The following PRR23B variants were observed in gnomAD, a reference collection of about 807,000 sequenced individuals.
The protein encoded by PRR23B is proline rich 23B.
For synonymous variants in PRR23B, 157 were observed against 168.0 expected, an observed-to-expected ratio of 0.93 and a Z score of 0.51; for missense variants, 375 against 371.7, an observed-to-expected ratio of 1.01 and a Z score of -0.07.
rs969270823 is a variant in PRR23B, at chr3:139,019,751, C to T, written c.*113G>A. 12 of 1,082,594 alleles carry T rather than the reference C, an allele frequency of 1.1e-5. No individual in the cohort carries two copies. Among genetic ancestry groups the T allele is most frequent in the Middle Eastern group, 2.9e-4 (1 of 3,440 alleles). The allele number at this position is 1,082,594 out of a possible 1,614,324, so 67.1% of individuals were successfully genotyped here. On this transcript the variant is annotated 3_prime_UTR_variant, in exon 1 of 1. Transcript: ENST00000329447. ...TGCAGCGAAAAAGCAATTGTCCGAA[C>T]ACGCGGTGCCCAATTTCCAGGTTGT... is the stretch of plus-strand genomic sequence containing the variant.
At position 139,020,035 on chromosome 3, in the gene PRR23B, A is replaced by G. The variant is rs753695455; in HGVS notation, c.627T>C (p.Arg209=). 9 of 1,613,880 alleles carry G rather than the reference A, an allele frequency of 5.6e-6. No homozygotes were observed. In the Admixed American group the frequency reaches 8.3e-5, roughly 15 times the overall value. Residue 209 remains arginine, a synonymous_variant, in exon 1 of 1, where the codon CGT becomes CGC. Transcript: ENST00000329447. ...CCAGGTCAAAGATGGGGCGTGGAGA[A>G]CGTCTCTCTGAACTGGGGTTGGGGG... The part of the protein sequence containing the change: ...ALAPNPSSER[R]SPRPIFDLEF...
chr3:139,019,569 A>C lies in PRR23B; in HGVS notation c.*295T>G. 1 of 273,088 alleles carries C rather than the reference A, an allele frequency of 3.7e-6. No homozygotes were observed. The allele number at this position is 273,088 out of a possible 1,614,324, so 16.9% of individuals were successfully genotyped here. The stretch of plus-strand genomic sequence containing the variant: ...GAATTTGAGAGAAACAACTGATGCA[A>C]AACGAGGGAGAATGAAGGGATCTGA... On this transcript the variant is annotated 3_prime_UTR_variant, in exon 1 of 1. Transcript: ENST00000329447.
chr3:139,019,982 C>G lies in PRR23B; in HGVS notation c.680G>C (p.Ser227Thr). The change falls in exon 1 of 1, where the codon AGC becomes ACC. Residue 227 changes from serine (S) to threonine (T), a missense_variant. Transcript: ENST00000329447. ...GGGAGGTAGAGGTTGGAGAGGTGAGCTGGGGACAGGCTCCAGAAGGCGGAA... is the reference window on the plus strand; with the variant it reads ...GGGAGGTAGAGGTTGGAGAGGTGAGGTGGGGACAGGCTCCAGAAGGCGGAA... Reference protein sequence around the residue: ...LEFRLLEPVPSSPLQPLPPSP... With the variant: ...LEFRLLEPVPTSPLQPLPPSP... 6.2e-7 allele frequency: 1 copy of G among 1,614,072 alleles called. No individual in the cohort carries two copies.
Position 139,020,066 on chromosome 3 carries a change from G to A in PRR23B, c.596C>T (p.Ala199Val). Reference sequence around the variant, plus strand: ...CTCTGAACTGGGGTTGGGGGCCAGAGCACAGGGTTCTGGGATGGGGCCCTC... The same window carrying A: ...CTCTGAACTGGGGTTGGGGGCCAGAACACAGGGTTCTGGGATGGGGCCCTC... The part of the protein sequence containing the change: ...YREGPIPEPC[A>V]LAPNPSSERR... Residue 199 changes from alanine to valine, a missense_variant, in exon 1 of 1, where the codon GCT becomes GTT. Physicochemically the swap from Ala to Val is moderately conservative, Grantham distance 64. Transcript: ENST00000329447. 6.2e-7 allele frequency: 1 copy of A among 1,614,094 alleles called. No homozygotes were observed. Among genetic ancestry groups the A allele is most frequent in the African/African-American group, 1.3e-5 (1 of 75,060 alleles).
In PRR23B at chr3:139,020,683, G is replaced by C. The variant is rs1249057326; in HGVS notation, c.-22C>G. On this transcript the variant is annotated 5_prime_UTR_variant, in exon 1 of 1. Coordinates refer to ENST00000329447, the MANE Select transcript of PRR23B (RefSeq NM_001013650.2). ...CCATCGCCTCGACGGCGCTGTGGAC[G>C]GCGCTCCTGGGCCTAGCAGCGGACG... is the stretch of plus-strand genomic sequence containing the variant. 6.8e-7 allele frequency: 1 copy of C among 1,473,472 alleles called. No homozygotes were observed. The highest frequency in any genetic ancestry group is 2.5e-5 in the East Asian group (1 of 39,412). 91.3% of individuals were successfully genotyped at this position (1,473,472 alleles called of 1,614,324 possible).
chr3:139,019,905 GT>G, the PRR23B span: 1 of 1,610,894 alleles, frequency 6.2e-7, no homozygotes, highest in East Asian at 2.2e-5. Flanking sequence ...CACGGAGGGC[GT>G]TCCGGGAGCG....
chr3:139,019,818 T>A lies in PRR23B; in HGVS notation c.*46A>T. The A allele has an allele frequency of 6.6e-7, 1 of 1,516,812 alleles. No homozygotes were observed. Among genetic ancestry groups the A allele is most frequent in the East Asian group, 2.3e-5 (1 of 44,130 alleles). The allele number at this position is 1,516,812 out of a possible 1,614,324, so 94.0% of individuals were successfully genotyped here. The stretch of plus-strand genomic sequence containing the variant: ...GAGATTCCCGCAATCCTAGAGGGCC[T>A]CCAGCAGAGCGGCCAGGATTGTTGT... On this transcript the variant is annotated 3_prime_UTR_variant, in exon 1 of 1. Coordinates refer to ENST00000329447, the MANE Select transcript of PRR23B (RefSeq NM_001013650.2).
Position 139,019,359 on chromosome 3 carries a change from GT to G in PRR23B, c.*504del, listed in dbSNP as rs1370767286. 6.5e-6 allele frequency: 1 copy of G among 154,506 alleles called. No homozygotes were observed. Among genetic ancestry groups the G allele is most frequent in the African/African-American group, 2.4e-5 (1 of 41,458 alleles). The allele number at this position is 154,506 out of a possible 1,614,324, so 9.6% of individuals were successfully genotyped here. On this transcript the variant is annotated 3_prime_UTR_variant, in exon 1 of 1. Coordinates refer to ENST00000329447, the MANE Select transcript of PRR23B (RefSeq NM_001013650.2). ...CTAGGAAGAAGCAACATACAGTCTT[GT>G]ATAGTAAGCATACTATTTGGCAGTT...
At position 139,019,908 on chromosome 3, in the gene PRR23B, C is replaced by T. The variant is rs1936927650; in HGVS notation, c.754G>A (p.Glu252Lys). The T allele has an allele frequency of 5.0e-6, 8 of 1,611,040 alleles. No homozygotes were observed. The highest frequency in any genetic ancestry group is 6.8e-6 in the Non-Finnish European group (8 of 1,178,742). The change falls in exon 1 of 1, where the codon GAA becomes AAA. Residue 252 changes from glutamate to lysine, a missense_variant. Coordinates refer to ENST00000329447, the MANE Select transcript of PRR23B (RefSeq NM_001013650.2). Reference protein sequence around the residue: ...PGPHARSPLPERPPCKARRRL... With the variant: ...PGPHARSPLPKRPPCKARRRL... ...CTCCGGGCCTTGCACGGAGGGCGTT[C>T]CGGGAGCGGCGAGCGCGCGTGGGGA...
Position 139,020,531 on chromosome 3 carries a change from C to T in PRR23B, c.131G>A (p.Ser44Asn). 6.4e-7 allele frequency: 1 copy of T among 1,562,506 alleles called. No homozygotes were observed. Among genetic ancestry groups the T allele is most frequent in the Non-Finnish European group, 8.6e-7 (1 of 1,157,046 alleles). ...CGGGTCCCCCGCCGGGTCTTCCAGG[C>T]TGGGTGCCGCGCGGGGTTCGGGGCC... is the stretch of plus-strand genomic sequence containing the variant. ...PAGPEPRAAP[S>N]LEDPAGDPAV... The change falls in exon 1 of 1, where the codon AGC becomes AAC. Residue 44 changes from serine to asparagine, a missense_variant. Coordinates refer to ENST00000329447, the MANE Select transcript of PRR23B (RefSeq NM_001013650.2).
Position 139,019,926 on chromosome 3 carries a change from C to G in PRR23B, c.736G>C (p.Ala246Pro). The change falls in exon 1 of 1, where the codon GCG becomes CCG. Residue 246 changes from alanine (A) to proline (P), a missense_variant. By Grantham distance (27) the Ala-to-Pro change is conservative. Coordinates refer to ENST00000329447, the MANE Select transcript of PRR23B (RefSeq NM_001013650.2). The part of the protein sequence containing the change: ...SPCVGSPGPH[A>P]RSPLPERPPC... ...GGGCGTTCCGGGAGCGGCGAGCGCG[C>G]GTGGGGACCTGGACTCCCCACGCAC... The G allele has an allele frequency of 6.2e-7, 1 of 1,608,186 alleles. No homozygotes were observed. The highest frequency in any genetic ancestry group is 8.5e-7 in the Non-Finnish European group (1 of 1,177,380).
rs767816968 is a variant in PRR23B at position 139,020,633 on chromosome 3, G to T, written c.29C>A (p.Ala10Asp). 2 of 1,546,970 alleles carry T rather than the reference G, an allele frequency of 1.3e-6. No individual in the cohort carries two copies. The highest frequency in any genetic ancestry group is 3.9e-5 in the Admixed American group (2 of 51,346). Reference sequence around the variant, plus strand: ...CTGTCCCCACCAGGGAGCAGGGAAGGCGCTGGGGCTGCGGGGCCGGCTGAC... The same window carrying T: ...CTGTCCCCACCAGGGAGCAGGGAAGTCGCTGGGGCTGCGGGGCCGGCTGAC... Reference protein sequence around the residue: MVSRPRSPSAFPAPWWGQQP... With the variant: MVSRPRSPSDFPAPWWGQQP... Residue 10 changes from alanine (A) to aspartate (D), a missense_variant, in exon 1 of 1, where the codon GCC (alanine) becomes GAC (aspartate). Transcript: ENST00000329447.
the PRR23B span, chr3:139,020,205 C>A: frequency 6.2e-7 from 1 of 1,613,994 alleles, no homozygotes; most frequent in African/African-American, 1.3e-5. Flanking sequence ...TCGTAGGCCT[C>A]TTCCTGGGCG....
In PRR23B at chr3:139,019,074, G is replaced by A. The variant is rs187653893; in HGVS notation, c.*790C>T. The A allele has an allele frequency of 6.6e-6, 1 of 152,008 alleles. No individual in the cohort carries two copies. Among genetic ancestry groups the A allele is most frequent in the African/African-American group, 2.4e-5 (1 of 41,376 alleles). The allele number at this position is 152,008 out of a possible 1,614,324, so 9.4% of individuals were successfully genotyped here. On this transcript the variant is annotated 3_prime_UTR_variant, in exon 1 of 1. Coordinates refer to ENST00000329447, the MANE Select transcript of PRR23B (RefSeq NM_001013650.2). ...TTTATCTCCTATATAAAAATATGAG[G>A]CAACTACAGTAATAAACTAACATTT...
rs1230057527 is a variant in PRR23B, at chr3:139,019,321, G to C, written c.*543C>G. Reference sequence around the variant, plus strand: ...AGAAGACTAGAAGAAAACTTCAGCAGGATAAGGGGTTCCTAGGAAGAAGCA... The same window carrying C: ...AGAAGACTAGAAGAAAACTTCAGCACGATAAGGGGTTCCTAGGAAGAAGCA... On this transcript the variant is annotated 3_prime_UTR_variant, in exon 1 of 1. Coordinates refer to ENST00000329447, the MANE Select transcript of PRR23B (RefSeq NM_001013650.2). The C allele has an allele frequency of 6.6e-6, 1 of 152,236 alleles. No homozygotes were observed. The highest frequency in any genetic ancestry group is 2.4e-5 in the African/African-American group (1 of 41,434). 9.4% of individuals were successfully genotyped at this position (152,236 alleles called of 1,614,324 possible).
rs1559938762 is a variant in PRR23B, at chr3:139,020,802, C to G, written c.-141G>C. 2 of 1,096,736 alleles carry G rather than the reference C, an allele frequency of 1.8e-6. No homozygotes were observed. Among genetic ancestry groups the G allele is most frequent in the Middle Eastern group, 3.1e-4 (1 of 3,190 alleles). The allele number at this position is 1,096,736 out of a possible 1,614,324, so 67.9% of individuals were successfully genotyped here. ...GAGCGGGGCGCAGGACCGCGCGACG[C>G]GGGGCGAGTCCTCGGAGCTCCCGGG... is the stretch of plus-strand genomic sequence containing the variant. On this transcript the variant is annotated 5_prime_UTR_variant, in exon 1 of 1. Transcript: ENST00000329447.
chr3:139,020,234 G>T lies in PRR23B; in HGVS notation c.428C>A (p.Ala143Glu). The T allele has an allele frequency of 6.2e-7, 1 of 1,614,108 alleles. No individual in the cohort carries two copies. The highest frequency in any genetic ancestry group is 8.5e-7 in the Non-Finnish European group (1 of 1,180,022). The stretch of plus-strand genomic sequence containing the variant: ...CTGGGCGGCGATCTCTGGGACAGAT[G>T]CGCAGAATTCCAGCTCGACGACGAC... ...EDVVVELEFC[A>E]SVPEIAAQEE... The change falls in exon 1 of 1, where the codon GCA becomes GAA. Residue 143 changes from alanine to glutamate, a missense_variant. Physicochemically the swap from Ala to Glu is moderately radical, Grantham distance 107. Transcript: ENST00000329447.
chr3:139,020,293 T>A lies in PRR23B; in HGVS notation c.369A>T (p.Glu123Asp). Reference protein sequence around the residue: ...GAQHDSSAGLEVDVFLGAVRE... With the variant: ...GAQHDSSAGLDVDVFLGAVRE... ...TGACAGCGCCCAGGAAAACGTCCACTTCCAGCCCGGCAGACGAGTCGTGCT... is the reference window on the plus strand; with the variant it reads ...TGACAGCGCCCAGGAAAACGTCCACATCCAGCCCGGCAGACGAGTCGTGCT... Residue 123 changes from glutamate to aspartate, a missense_variant, in exon 1 of 1, where the codon GAA (glutamate) becomes GAT (aspartate). By Grantham distance (45) the Glu-to-Asp change is conservative. Transcript: ENST00000329447. 6.2e-7 allele frequency: 1 copy of A among 1,613,988 alleles called. No homozygotes were observed. The highest frequency in any genetic ancestry group is 1.3e-5 in the African/African-American group (1 of 75,006).
rs772003664 is a variant in PRR23B, at chr3:139,019,936, T to G, written c.726A>C (p.Pro242=). The change falls in exon 1 of 1, where the codon CCA becomes CCC. Residue 242 remains proline (P), a synonymous_variant. Coordinates refer to ENST00000329447, the MANE Select transcript of PRR23B (RefSeq NM_001013650.2). ...GGAGCGGCGAGCGCGCGTGGGGACC[T>G]GGACTCCCCACGCACGGAGAGGGAG... The part of the protein sequence containing the change: ...PLPPSPCVGS[P]GPHARSPLPE... 1 of 1,612,752 alleles carries G rather than the reference T, an allele frequency of 6.2e-7. No homozygotes were observed. Among genetic ancestry groups the G allele is most frequent in the South Asian group, 1.1e-5 (1 of 90,872 alleles).
Sources: allele counts gnomAD v4.1 joint callset, GRCh38; gene constraint gnomAD v4.1.1; transcripts MANE v1.5; gene names NCBI Gene and HGNC (gene_info 2026-07-23, HGNC 2026-07-21).